Variants in MIR2052HG observed in about 807,000 individuals in gnomAD.
The protein encoded by MIR2052HG is MIR2052 host gene.
At chr8:74,744,864 G>A (rs1809867988) in intron 4 of MIR2052HG, among the ~76,000 whole-genome samples, 1 of 152,172 alleles carries the variant, frequency 6.6e-6, no homozygotes, top group South Asian at 2.1e-4. Flanking sequence ...CAAAAGTGAA[G>A]TGAGAAGGAG....
chr8:74,674,136 TTG>T (rs60255659), intron 2 of MIR2052HG, among the ~76,000 whole-genome samples: 3,999 of 145,156 alleles, frequency 0.028, 60 homozygotes, highest in African/African-American at 0.034. Flanking sequence ...CCAGAGGTTT[TTG>T]TGTGTGTGTG....
intron 2 of MIR2052HG, among the ~76,000 whole-genome samples, chr8:74,642,666 ATTAG>A (rs1458529616): frequency 2.6e-5 from 4 of 152,286 alleles, no homozygotes; most frequent in African/African-American, 7.2e-5. Context: ...ACCACCAAGA[ATTAG>A]TTATTGTGTC....
chr8:74,735,811 A>G (rs1809739418), intron 4 of MIR2052HG, among the ~76,000 whole-genome samples: 1 of 152,218 alleles, frequency 6.6e-6, no homozygotes, highest in Non-Finnish European at 1.5e-5. Flanking sequence ...TGCTTGTGAA[A>G]TCAAAAAAGG....
intron 2 of MIR2052HG, among the ~76,000 whole-genome samples, chr8:74,638,883 T>C (rs4512358): frequency 0.63 from 95,730 of 151,862 alleles, 30,406 homozygotes; most frequent in East Asian, 0.77. Flanking sequence ...TATGTGATTG[T>C]TTTGGGGGAG....
intron 4 of MIR2052HG, chr8:74,705,628 C>T (rs1170508548): frequency 5.9e-6 from 1 of 170,018 alleles, no homozygotes; most frequent in Admixed American, 6.6e-5. Flanking sequence ...AGGGATACGA[C>T]CTTAGGCAGA....
At chr8:74,600,385 G>A (rs1807978240) in intron 1 of MIR2052HG, among the ~76,000 whole-genome samples, 1 of 151,228 alleles carries the variant, frequency 6.6e-6, no homozygotes, top group African/African-American at 2.4e-5. Context: ...AGGAGTTCGA[G>A]ACTAGCTGAC....
At chr8:74,717,685 G>A (rs1014291525) in intron 4 of MIR2052HG, among the ~76,000 whole-genome samples, 6 of 151,902 alleles carry the variant, frequency 3.9e-5, no homozygotes, top group African/African-American at 9.7e-5. Context: ...GTAAGGCATC[G>A]TGGTGTCTGC....
At chr8:74,700,758 GT>G (rs1809349902) in intron 2 of MIR2052HG, among the ~76,000 whole-genome samples, 1 of 152,006 alleles carries the variant, frequency 6.6e-6, no homozygotes, top group East Asian at 1.9e-4. Context: ...TGTTTTTTCA[GT>G]TTTTTTCTGA....
At chr8:74,678,887 G>T (rs1490261221) in intron 2 of MIR2052HG, among the ~76,000 whole-genome samples, 1 of 151,822 alleles carries the variant, frequency 6.6e-6, no homozygotes, top group Non-Finnish European at 1.5e-5. Context: ...TTTATCCCAG[G>T]AAAAACATGT....
intron 2 of MIR2052HG, among the ~76,000 whole-genome samples, chr8:74,651,014 C>A (rs1230599341): frequency 6.6e-6 from 1 of 152,012 alleles, no homozygotes; most frequent in Admixed American, 6.6e-5. Context: ...TCTCTCATAT[C>A]TTGGATAAAA....
At position 74,648,033 on chromosome 8, in the gene MIR2052HG, A is replaced by G. The variant is rs1463408751; in HGVS notation, n.216+35093A>G. Among the ~76,000 whole-genome samples the G allele has an allele frequency of 5.3e-5, 8 of 152,308 alleles. No homozygotes were observed. The East Asian group carries it at 1.2e-3, about 22-fold the overall frequency. On this transcript the variant is annotated intron_variant and non_coding_transcript_variant, in intron 2 of 6. Transcript: ENST00000523442. ...TCAGTGCACCCTAAAAAAGAACAGA[A>G]TAACAATGATTTTCAGGGAATAAGG...
chr8:74,716,478 T>A (rs1809522893), intron 4 of MIR2052HG, among the ~76,000 whole-genome samples: 1 of 152,128 alleles, frequency 6.6e-6, no homozygotes, highest in Non-Finnish European at 1.5e-5. Context: ...TTTGGGAGGC[T>A]GAGGTGGGTG....
At chr8:74,711,028 A>C (rs1270906118) in intron 4 of MIR2052HG, among the ~76,000 whole-genome samples, 1 of 152,148 alleles carries the variant, frequency 6.6e-6, no homozygotes, top group Non-Finnish European at 1.5e-5. Flanking sequence ...AGGGCTCAGT[A>C]GTGGTCCCTA....
intron 2 of MIR2052HG, among the ~76,000 whole-genome samples, chr8:74,671,975 A>T (rs1035478281): frequency 6.6e-6 from 1 of 152,126 alleles, no homozygotes; most frequent in Non-Finnish European, 1.5e-5. Context: ...CAAGCAGAAA[A>T]ATATCACAAA....
intron 2 of MIR2052HG, among the ~76,000 whole-genome samples, chr8:74,660,497 C>T (rs746472513): frequency 1.2e-4 from 19 of 152,324 alleles, no homozygotes; most frequent in Non-Finnish European, 2.5e-4. Flanking sequence ...GTGCTAAACA[C>T]ATACTCCAGG....
At chr8:74,653,531 A>G (rs1808773819) in intron 2 of MIR2052HG, among the ~76,000 whole-genome samples, 1 of 152,190 alleles carries the variant, frequency 6.6e-6, no homozygotes, top group African/African-American at 2.4e-5. Context: ...ATGCCCTGCA[A>G]TGTAAATAAA....
At chr8:74,744,016 A>C (rs936685454) in intron 4 of MIR2052HG, among the ~76,000 whole-genome samples, 1 of 152,248 alleles carries the variant, frequency 6.6e-6, no homozygotes, top group African/African-American at 2.4e-5. Context: ...TTATAAAAGT[A>C]AAAGCTGTAA....
chr8:74,731,109 T>C (rs1258840203), intron 4 of MIR2052HG, among the ~76,000 whole-genome samples: 1 of 152,126 alleles, frequency 6.6e-6, no homozygotes, highest in African/African-American at 2.4e-5. Flanking sequence ...GCCTCTGTCA[T>C]TGACTACTCC....
intron 4 of MIR2052HG, among the ~76,000 whole-genome samples, chr8:74,746,021 G>A (rs1809881933): frequency 1.3e-5 from 2 of 152,268 alleles, no homozygotes; most frequent in Admixed American, 6.5e-5. Flanking sequence ...GTTAGAGGGG[G>A]AAGAGACTGG....
Sources: allele counts gnomAD v4.1 joint callset (sites outside exome capture counted in the v4.1 genomes callset), GRCh38; gene constraint gnomAD v4.1.1; transcripts MANE v1.5; gene names NCBI Gene and HGNC (gene_info 2026-07-23, HGNC 2026-07-21).